ATP10B: variants seen among roughly 807,000 people sequenced by gnomAD.
ATP10B encodes ATPase phospholipid transporting 10B (putative).
ATP10B carries 122 observed loss-of-function variants against 141.2 expected under a neutral mutation model. The observed-to-expected ratio is 0.86, with a 90% CI of 0.75 to 1.00. ATP10B has a LOEUF of 1.00. Ranked by LOEUF, ATP10B falls within the 50% of genes least tolerant of loss-of-function variation. The pLI is 0.00. For synonymous variants in ATP10B, 685 were observed against 692.0 expected (o/e 0.99, Z 0.16); for missense variants, 1,876 against 1,825.3 (o/e 1.03, Z -0.51).
At chr5:160,735,524 G>A (rs1033709797) in intron 2 of ATP10B, among the ~76,000 whole-genome samples, 5 of 152,044 alleles carry the variant, frequency 3.3e-5, no homozygotes, top group African/African-American at 1.2e-4. Flanking sequence ...TAAAGAGAGA[G>A]ATAGACCCCA....
At position 160,606,790 on chromosome 5, in the gene ATP10B, C is replaced by A; in HGVS notation, c.3135G>T (p.Lys1045Asn). 6.2e-7 allele frequency: 1 copy of A among 1,613,914 alleles called. No homozygotes were observed. The highest frequency in any genetic ancestry group is 8.5e-7 in the Non-Finnish European group (1 of 1,179,778). Residue 1045 changes from lysine to asparagine, a missense_variant, in exon 19 of 26, where the codon AAG becomes AAT. Coordinates refer to ENST00000327245, the MANE Select transcript of ATP10B (RefSeq NM_025153.3). ...CTATGGAAAGGGTCATGACGCGCAA[C>A]TTGTCTCGCACCAGCTTGACTATCA... ...KSMIVKLVRD[K>N]LRVMTLSIGD...
At chr5:160,914,691 C>T in the ATP10B span, among the ~76,000 whole-genome samples, 1 of 152,102 alleles carries the variant, frequency 6.6e-6, no homozygotes, top group Admixed American at 6.6e-5. Context: ...AACTGGAAGG[C>T]TATAGGTAGG....
intron 7 of ATP10B, among the ~76,000 whole-genome samples, chr5:160,668,577 G>A (rs889467866): frequency 3.9e-5 from 6 of 152,168 alleles, no homozygotes; most frequent in African/African-American, 1.2e-4. Flanking sequence ...AATAAGCAAA[G>A]GGTGAGAAAA....
chr5:160,818,893 T>G (rs1347442779), intron 1 of ATP10B, among the ~76,000 whole-genome samples: 1 of 151,920 alleles, frequency 6.6e-6, no homozygotes, highest in Non-Finnish European at 1.5e-5. Context: ...GCAAACTATT[T>G]CAAGGACAAA....
intron 7 of ATP10B, among the ~76,000 whole-genome samples, chr5:160,657,424 G>C (rs1338585772): frequency 1.3e-5 from 2 of 152,134 alleles, no homozygotes; most frequent in African/African-American, 4.8e-5. Context: ...CTCTGGCTCT[G>C]GATGAGGAAA....
At chr5:160,732,402 A>G (rs971431092) in intron 2 of ATP10B, among the ~76,000 whole-genome samples, 1 of 152,144 alleles carries the variant, frequency 6.6e-6, no homozygotes, top group African/African-American at 2.4e-5. Flanking sequence ...TGCTTTTCCT[A>G]TGTTTTCTTC....
intron 3 of ATP10B, among the ~76,000 whole-genome samples, chr5:160,702,569 T>C (rs1322155223): frequency 6.6e-6 from 1 of 152,248 alleles, no homozygotes; most frequent in Non-Finnish European, 1.5e-5. Context: ...TTGAAATTAA[T>C]TTTGTTTGTA....
chr5:160,882,890 TA>T, the ATP10B span, among the ~76,000 whole-genome samples: 1 of 152,056 alleles, frequency 6.6e-6, no homozygotes, highest in African/African-American at 2.4e-5. Flanking sequence ...GTCAGAATTC[TA>T]AAACCTAGGG....
chr5:160,794,340 T>A (rs1561860598), intron 1 of ATP10B, among the ~76,000 whole-genome samples: 1 of 152,284 alleles, frequency 6.6e-6, no homozygotes, highest in South Asian at 2.1e-4. Context: ...GCTCCAATCA[T>A]GTGATTCTGA....
intron 3 of ATP10B, among the ~76,000 whole-genome samples, chr5:160,694,101 C>T (rs1283998490): frequency 6.6e-6 from 1 of 152,218 alleles, no homozygotes; most frequent in Non-Finnish European, 1.5e-5. Flanking sequence ...AAGCATCATT[C>T]TGGCCGAAGC....
intron 2 of ATP10B, among the ~76,000 whole-genome samples, chr5:160,761,534 G>T (rs1233666753): frequency 1.3e-5 from 2 of 152,192 alleles, no homozygotes; most frequent in Non-Finnish European, 2.9e-5. Flanking sequence ...GAGAAAGCAG[G>T]AGAGCACCAC....
At chr5:160,809,105 A>AT (rs1772973875) in intron 1 of ATP10B, among the ~76,000 whole-genome samples, 1 of 152,072 alleles carries the variant, frequency 6.6e-6, no homozygotes, top group Non-Finnish European at 1.5e-5. Context: ...TAATTTTAAA[A>AT]TTTTTCTCTA....
intron 3 of ATP10B, chr5:160,692,522 T>C (rs1411204612): frequency 6.6e-6 from 1 of 152,204 alleles, no homozygotes; most frequent in Non-Finnish European, 1.5e-5. Context: ...CCATTGCTCC[T>C]AAAGATAGGA....
intron 1 of ATP10B, among the ~76,000 whole-genome samples, chr5:160,793,157 G>C (rs555757775): frequency 6.6e-6 from 1 of 151,408 alleles, no homozygotes; most frequent in African/African-American, 2.4e-5. Flanking sequence ...TTGTCTTTTT[G>C]CTGCCTAAGT....
intron 13 of ATP10B, among the ~76,000 whole-genome samples, chr5:160,629,808 G>A (rs1758818435): frequency 1.3e-5 from 2 of 152,216 alleles, no homozygotes; most frequent in African/African-American, 4.8e-5. Context: ...TGGGGTAGCT[G>A]AGATGAAAAC....
intron 10 of ATP10B, among the ~76,000 whole-genome samples, chr5:160,640,162 G>A (rs540771225): frequency 4.6e-5 from 7 of 152,354 alleles, no homozygotes; most frequent in Non-Finnish European, 8.8e-5. Flanking sequence ...ATGTTTTACA[G>A]CAGCAATGGG....
At chr5:160,702,993 A>G (rs1055127036) in intron 3 of ATP10B, among the ~76,000 whole-genome samples, 2 of 152,130 alleles carry the variant, frequency 1.3e-5, no homozygotes, top group Non-Finnish European at 2.9e-5. Context: ...CATATGCTAG[A>G]ACTGAATATA....
intron 1 of ATP10B, among the ~76,000 whole-genome samples, chr5:160,845,616 C>CT (rs1776072837): frequency 1.3e-5 from 2 of 152,084 alleles, no homozygotes; most frequent in Admixed American, 1.3e-4. Context: ...TAAAACCATT[C>CT]TAAACAACAA....
At chr5:160,594,516 A>T (rs1391569326) in intron 22 of ATP10B, among the ~76,000 whole-genome samples, 6 of 152,072 alleles carry the variant, frequency 3.9e-5, no homozygotes, top group Non-Finnish European at 7.4e-5. Flanking sequence ...TCATAATGAC[A>T]GGATCAAATT....
Sources: allele counts gnomAD v4.1 joint callset (sites outside exome capture counted in the v4.1 genomes callset), GRCh38; gene constraint gnomAD v4.1.1; transcripts MANE v1.5; gene names NCBI Gene and HGNC (gene_info 2026-07-23, HGNC 2026-07-21).